Variants in CALB2 observed in about 807,000 individuals in gnomAD.
CALB2 encodes calbindin 2.
A neutral mutation model predicts 45.9 loss-of-function variants in CALB2; 34 were observed. The observed-to-expected ratio is 0.74, with a 90% CI of 0.56 to 0.99. CALB2 has a LOEUF of 0.99. CALB2 is among the 50% of genes least tolerant of loss of function. CALB2 has a pLI of 0.00. For synonymous variants in CALB2, 142 were observed against 129.6 expected, an observed-to-expected ratio of 1.10 and a Z score of -0.65; for missense variants, 344 against 339.3, an observed-to-expected ratio of 1.01 and a Z score of -0.11.
At chr16:71,377,612 C>A in intron 3 of CALB2, 55 bp from the exon 4 acceptor site, 1 of 1,292,246 alleles carries the variant, frequency 7.7e-7, no homozygotes. Context: ...AAAATCTGCT[C>A]TGCTCCCTGT....
Position 71,384,347 on chromosome 16 carries a change from C to A in CALB2, c.542C>A (p.Pro181His). The change falls in exon 8 of 11, where the codon CCT (proline) becomes CAT (histidine). Residue 181 changes from proline (P) to histidine (H), a missense_variant. Pro to His is a moderately conservative substitution (Grantham distance 77, BLOSUM62 -2). Transcript: ENST00000302628. ...TAACATTTTCTCCCCAGACTCCTGC[C>A]TGTCCAGGAAAACTTCCTGCTTAAA... ...LGLSEMSRLL[P>H]VQENFLLKFQ... The A allele has an allele frequency of 1.2e-6, 2 of 1,613,324 alleles. No homozygotes were observed. Among genetic ancestry groups the A allele is most frequent in the Non-Finnish European group, 1.7e-6 (2 of 1,179,616 alleles).
intron 9 of CALB2, 127 bp from the exon 10 acceptor site, chr16:71,385,450 C>T (rs2042559401): frequency 1.5e-6 from 1 of 648,998 alleles, no homozygotes; most frequent in South Asian, 2.6e-5. Flanking sequence ...TTTGTCATTA[C>T]ACGATCTGAA....
At chr16:71,372,587 G>GC (rs1217204942) in intron 2 of CALB2, among the ~76,000 whole-genome samples, 3 of 152,156 alleles carry the variant, frequency 2.0e-5, no homozygotes, top group African/African-American at 7.2e-5. Context: ...CAGATTGGAT[G>GC]CCCAGGAGGT....
intron 4 of CALB2, among the ~76,000 whole-genome samples, chr16:71,378,838 G>A (rs923415840): frequency 6.6e-6 from 1 of 152,116 alleles, no homozygotes; most frequent in Non-Finnish European, 1.5e-5. Flanking sequence ...TGTGTCTCTC[G>A]AAGTCAGAGT....
rs529504105 is a variant in CALB2, at chr16:71,369,788, G to A, written c.95-2365G>A. On this transcript the variant is annotated intron_variant, in intron 1 of 10. Coordinates refer to ENST00000302628, the MANE Select transcript of CALB2 (RefSeq NM_001740.5). ...ACTCTACAAAGCCTCCGAGAAGAAT[G>A]TGACTTTGCCTTCTCAGTTGAGAAG... is the stretch of plus-strand genomic sequence containing the variant. 2.7e-5 allele frequency among the ~76,000 whole-genome samples: 4 copies of A among 150,822 alleles called. No individual in the cohort carries two copies. The South Asian group carries it at 8.4e-4, about 32-fold the overall frequency.
intron 1 of CALB2, among the ~76,000 whole-genome samples, chr16:71,362,028 G>A (rs1311702263): frequency 2.0e-5 from 3 of 152,182 alleles, no homozygotes; most frequent in Admixed American, 2.0e-4. Context: ...GAAGATGACA[G>A]CCAAGCCCAC....
At chr16:71,389,458 C>G in intron 10 of CALB2, 1 of 554,916 alleles carries the variant, frequency 1.8e-6, no homozygotes. Flanking sequence ...GTAATCATCG[C>G]AACACCTCCA....
chr16:71,380,987 G>A (rs370909533), intron 4 of CALB2, among the ~76,000 whole-genome samples: 1 of 152,206 alleles, frequency 6.6e-6, no homozygotes, highest in East Asian at 1.9e-4. Context: ...AGGCACGTGG[G>A]GGAGCCCAGA....
At chr16:71,385,810 CTGGT>C (rs1335300476) in intron 10 of CALB2, among the ~76,000 whole-genome samples, 162 bp downstream of exon 10, 1 of 152,246 alleles carries the variant, frequency 6.6e-6, no homozygotes, top group Non-Finnish European at 1.5e-5. Context: ...TTTTTGATTT[CTGGT>C]TGGTTGGTTG....
chr16:71,384,052 G>A (rs1365859017), intron 7 of CALB2, 27 bp downstream of exon 7: 1 of 1,609,092 alleles, frequency 6.2e-7, no homozygotes, highest in South Asian at 1.1e-5. Flanking sequence ...CGGGGTCACT[G>A]ATACTGGCTC....
At chr16:71,382,391 C>T (rs951502639) in intron 4 of CALB2, among the ~76,000 whole-genome samples, 1 of 152,168 alleles carries the variant, frequency 6.6e-6, no homozygotes, top group Non-Finnish European at 1.5e-5. Flanking sequence ...GGATGAGTTA[C>T]TTATTGCTGT....
chr16:71,373,028 C>T (rs2042370610), intron 2 of CALB2, among the ~76,000 whole-genome samples: 1 of 152,156 alleles, frequency 6.6e-6, no homozygotes, highest in African/African-American at 2.4e-5. Flanking sequence ...TGTTGCTTTC[C>T]CTGGTGCCAA....
chr16:71,385,773 T>G, intron 10 of CALB2, 125 bp downstream of exon 10: 1 of 655,740 alleles, frequency 1.5e-6, no homozygotes, highest in Non-Finnish European at 2.5e-6. Flanking sequence ...AGCAAGGCAA[T>G]AGACATTTTG....
At chr16:71,366,770 A>ATTT (rs1199392898) in intron 1 of CALB2, among the ~76,000 whole-genome samples, 1 of 152,112 alleles carries the variant, frequency 6.6e-6, no homozygotes, top group Non-Finnish European at 1.5e-5. Flanking sequence ...TTTATGTGAG[A>ATTT]TTTTACATCT....
At chr16:71,384,153 T>C (rs1049087744) in intron 7 of CALB2, 128 bp downstream of exon 7, 106 of 1,137,120 alleles carry the variant, frequency 9.3e-5, no homozygotes, top group Non-Finnish European at 1.2e-4. Flanking sequence ...CAAAGCAAGA[T>C]AGAATTGTGA....
chr16:71,359,819 G>A (rs187727299), intron 1 of CALB2, among the ~76,000 whole-genome samples: 3 of 152,294 alleles, frequency 2.0e-5, no homozygotes, highest in Admixed American at 2.0e-4. Context: ...CCCTCTCTAC[G>A]CACAGACCTG....
At chr16:71,377,814 G>A in intron 4 of CALB2, 67 bp downstream of exon 4, 1 of 1,152,124 alleles carries the variant, frequency 8.7e-7, no homozygotes, top group Non-Finnish European at 1.3e-6. Flanking sequence ...TCAGAGCCAG[G>A]CCCACCCTCC....
intron 1 of CALB2, among the ~76,000 whole-genome samples, chr16:71,364,151 G>A (rs1440273297): frequency 6.6e-6 from 1 of 152,196 alleles, no homozygotes; most frequent in African/African-American, 2.4e-5. Flanking sequence ...GCCTGCTATG[G>A]CTCTGCTTCT....
At chr16:71,382,306 T>G (rs1013789269) in intron 4 of CALB2, among the ~76,000 whole-genome samples, 1 of 152,234 alleles carries the variant, frequency 6.6e-6, no homozygotes, top group African/African-American at 2.4e-5. Flanking sequence ...CTGCCCCTCC[T>G]GTGGCTTTCT....
Sources: gnomAD v4.1 joint callset for allele counts (sites outside exome capture counted in the v4.1 genomes callset) on GRCh38, gnomAD v4.1.1 for gene constraint, MANE v1.5 for transcripts, NCBI Gene and HGNC (gene_info 2026-07-23, HGNC 2026-07-21) for gene names.